The following ACP3 variants were observed in gnomAD, a reference collection of about 807,000 sequenced individuals.
ACP3 encodes acid phosphatase 3.
In ACP3, 38 loss-of-function variants were observed where a neutral mutation model predicts 45.6. The observed-to-expected ratio is 0.83, with a 90% CI of 0.64 to 1.09. The LOEUF (loss-of-function observed/expected upper bound fraction) is 1.09. Among genes scored for constraint, ACP3 ranks in the 50% least tolerant of loss-of-function variants. The pLI is 0.00. For synonymous variants in ACP3, 162 were observed against 164.7 expected (o/e 0.98, Z 0.13); for missense variants, 466 against 463.2 (o/e 1.01, Z -0.05).
chr3:132,337,606 G>A, intron 5 of ACP3, 52 bp downstream of exon 5: 1 of 1,177,012 alleles, frequency 8.5e-7, no homozygotes, highest in Non-Finnish European at 1.2e-6. Context: ...AGTGGTACTT[G>A]AGTGTGAGGG....
chr3:132,329,413 G>A (rs310004), intron 2 of ACP3, among the ~76,000 whole-genome samples: 147,027 of 152,228 alleles, frequency 0.97, 71,057 homozygotes, highest in African/African-American at 0.99. Context: ...ATGTGTAGCC[G>A]AGGCTGAGAA....
intron 3 of ACP3, 94 bp downstream of exon 3, chr3:132,331,827 C>A: frequency 8.9e-7 from 1 of 1,117,684 alleles, no homozygotes; most frequent in Non-Finnish European, 1.3e-6. Context: ...TTCCAAGGAA[C>A]TTATACAAGT....
At chr3:132,322,038 T>C (rs549937781) in intron 1 of ACP3, among the ~76,000 whole-genome samples, 11 of 152,168 alleles carry the variant, frequency 7.2e-5, no homozygotes, top group Non-Finnish European at 1.2e-4. Flanking sequence ...GAAAGGAAAT[T>C]GAGGAAAGGA....
At chr3:132,321,499 C>G (rs1937206547) in intron 1 of ACP3, among the ~76,000 whole-genome samples, 1 of 152,108 alleles carries the variant, frequency 6.6e-6, no homozygotes, top group Admixed American at 6.5e-5. Context: ...AAGACATTTG[C>G]CGGAAACAGC....
At chr3:132,350,318 C>G (rs1391316766) in intron 8 of ACP3, among the ~76,000 whole-genome samples, 3 of 152,154 alleles carry the variant, frequency 2.0e-5, no homozygotes, top group African/African-American at 7.2e-5. Context: ...GCTTCCTAGA[C>G]AAGGCAGCAC....
rs1399538748 is a variant in ACP3, at chr3:132,356,740, C to T, written c.1023C>T (p.Pro341=). 6.2e-7 allele frequency: 1 copy of T among 1,614,044 alleles called. No individual in the cohort carries two copies. Among genetic ancestry groups the T allele is most frequent in the African/African-American group, 1.3e-5 (1 of 74,912 alleles). The change falls in exon 10 of 10, where the codon CCC becomes CCT. Residue 341 remains proline, a synonymous_variant. Coordinates refer to ENST00000336375, the MANE Select transcript of ACP3 (RefSeq NM_001099.5). ...YRNETQHEPY[P]LMLPGCSPSC... The stretch of plus-strand genomic sequence containing the variant: ...ATGAGACGCAGCACGAGCCGTATCC[C>T]CTCATGCTACCTGGCTGCAGCCCCA...
chr3:132,320,451 G>GA (rs779377775), intron 1 of ACP3, among the ~76,000 whole-genome samples: 43 of 152,120 alleles, frequency 2.8e-4, no homozygotes, highest in Non-Finnish European at 5.0e-4. Context: ...TCCAGAAATA[G>GA]AAAAATGTCA....
intron 1 of ACP3, among the ~76,000 whole-genome samples, chr3:132,326,843 G>A (rs1267260607): frequency 1.3e-5 from 2 of 152,194 alleles, no homozygotes; most frequent in Non-Finnish European, 2.9e-5. Flanking sequence ...AAATCAAGGT[G>A]TTATGCAGCT....
At chr3:132,330,379 G>A (rs1215877167) in intron 2 of ACP3, among the ~76,000 whole-genome samples, 1 of 152,172 alleles carries the variant, frequency 6.6e-6, no homozygotes, top group Non-Finnish European at 1.5e-5. Context: ...CCCTGGACCA[G>A]CAGCATCACC....
At chr3:132,321,064 G>A (rs1294553631) in intron 1 of ACP3, among the ~76,000 whole-genome samples, 2 of 152,146 alleles carry the variant, frequency 1.3e-5, no homozygotes, top group Non-Finnish European at 2.9e-5. Flanking sequence ...ACTAGGGAAG[G>A]TGGAGCTAGA....
downstream of ACP3, among the ~76,000 whole-genome samples, chr3:132,359,471 G>C (rs113346007): frequency 0.12 from 19,016 of 152,134 alleles, 1,421 homozygotes; most frequent in Non-Finnish European, 0.18. Flanking sequence ...TCGCGCCACT[G>C]CACTCCAGCC....
At chr3:132,364,685 C>T (rs1413287285) in intron 10 of ACP3, among the ~76,000 whole-genome samples, 1 of 152,164 alleles carries the variant, frequency 6.6e-6, no homozygotes, top group Non-Finnish European at 1.5e-5. Flanking sequence ...TTGAGCTCCT[C>T]GAGGGCAGAG....
intron 4 of ACP3, among the ~76,000 whole-genome samples, chr3:132,335,446 A>C (rs189410182): frequency 0.01 from 1,581 of 152,346 alleles, 16 homozygotes; most frequent in Non-Finnish European, 0.015. Context: ...AGCAACTTTT[A>C]AAATAAATGT....
At chr3:132,324,007 C>A (rs979463881) in intron 1 of ACP3, among the ~76,000 whole-genome samples, 1 of 152,162 alleles carries the variant, frequency 6.6e-6, no homozygotes, top group African/African-American at 2.4e-5. Context: ...CACCTGAGGT[C>A]GGGAGTTCGA....
At chr3:132,360,895 C>G (rs181587361), downstream of ACP3, among the ~76,000 whole-genome samples, 1 of 152,316 alleles carries the variant, frequency 6.6e-6, no homozygotes, top group East Asian at 1.9e-4. Flanking sequence ...GAACCTTGTG[C>G]CTTCAATCAA....
chr3:132,330,967 C>A (rs1315562484), intron 2 of ACP3, among the ~76,000 whole-genome samples: 2 of 152,134 alleles, frequency 1.3e-5, no homozygotes, highest in African/African-American at 4.8e-5. Flanking sequence ...TTCTGATGCA[C>A]GGTAATGGTT....
chr3:132,338,466 A>G (rs1937520057), intron 5 of ACP3, among the ~76,000 whole-genome samples: 1 of 152,142 alleles, frequency 6.6e-6, no homozygotes, highest in African/African-American at 2.4e-5. Flanking sequence ...TCATTTTTAC[A>G]AACAGCATGT....
At chr3:132,331,528 T>G in intron 2 of ACP3, 119 bp from the exon 3 acceptor site, 1 of 704,724 alleles carries the variant, frequency 1.4e-6, no homozygotes. Context: ...GTGGAACTAT[T>G]AAACCACACC....
At chr3:132,345,146 G>A in intron 7 of ACP3, 87 bp downstream of exon 7, 1 of 1,243,666 alleles carries the variant, frequency 8.0e-7, no homozygotes, top group Non-Finnish European at 1.1e-6. Flanking sequence ...TCAACTGTGT[G>A]ATCTCAGACA....
Sources: gnomAD v4.1 joint callset for allele counts (sites outside exome capture counted in the v4.1 genomes callset) on GRCh38, gnomAD v4.1.1 for gene constraint, MANE v1.5 for transcripts, NCBI Gene and HGNC (gene_info 2026-07-23, HGNC 2026-07-21) for gene names.